Variants in IDE observed in about 807,000 individuals in gnomAD.
IDE encodes the protein insulin degrading enzyme, also known as insulin-degrading enzyme.
Under a neutral mutation model 133.2 loss-of-function variants are expected in IDE, and 58 were observed. The ratio of observed to expected loss-of-function variants is 0.44; its 90% CI spans 0.35 to 0.54. IDE has a LOEUF of 0.54. IDE is among the 20% of genes least tolerant of loss of function. IDE has a pLI of 0.00. For missense variants in IDE, 981 were observed against 1,234.0 expected, an observed-to-expected ratio of 0.79 and a Z score of 3.07; for synonymous variants, 396 against 421.3, an observed-to-expected ratio of 0.94 and a Z score of 0.73.
intron 1 of IDE, among the ~76,000 whole-genome samples, chr10:92,553,485 C>G (rs1342171146): frequency 6.6e-6 from 1 of 151,322 alleles, no homozygotes; most frequent in Non-Finnish European, 1.5e-5. Flanking sequence ...GAGAGAATAC[C>G]TCCAAACTCA....
At chr10:92,547,867 G>A (rs1245330311) in intron 1 of IDE, among the ~76,000 whole-genome samples, 1 of 152,124 alleles carries the variant, frequency 6.6e-6, no homozygotes, top group African/African-American at 2.4e-5. Flanking sequence ...CTGCTCCTGA[G>A]GCACTGGATA....
chr10:92,513,586 A>G (rs540567866), intron 5 of IDE, among the ~76,000 whole-genome samples: 32 of 151,722 alleles, frequency 2.1e-4, no homozygotes, highest in Non-Finnish European at 2.8e-4. Flanking sequence ...GTTTTTGTAA[A>G]CAGCTTTTGT....
chr10:92,566,445 G>A (rs1392998151), intron 1 of IDE, among the ~76,000 whole-genome samples: 1 of 148,648 alleles, frequency 6.7e-6, no homozygotes, highest in Non-Finnish European at 1.5e-5. Context: ...ACACAACATA[G>A]GCAAAGCTCC....
intron 22 of IDE, among the ~76,000 whole-genome samples, chr10:92,458,678 T>C (rs894765587): frequency 2.0e-5 from 3 of 151,896 alleles, no homozygotes; most frequent in African/African-American, 7.3e-5. Context: ...ATTTTTGTAT[T>C]TTTAGTAGAG....
intron 7 of IDE, 126 bp downstream of exon 7, chr10:92,508,602 C>A: frequency 1.4e-6 from 1 of 703,006 alleles, no homozygotes; most frequent in South Asian, 2.3e-5. Context: ...CAACCACCAT[C>A]TCACTCACTA....
At chr10:92,551,620 C>G (rs941081886) in intron 1 of IDE, among the ~76,000 whole-genome samples, 1 of 147,918 alleles carries the variant, frequency 6.8e-6, no homozygotes, top group Admixed American at 6.7e-5. Flanking sequence ...AGGACAAATA[C>G]TACACAACTC....
intron 4 of IDE, among the ~76,000 whole-genome samples, chr10:92,524,750 C>T (rs964266687): frequency 1.3e-4 from 19 of 145,358 alleles, no homozygotes; most frequent in African/African-American, 4.6e-4. Flanking sequence ...TAGCAAAACC[C>T]CGTCTCTACT....
At chr10:92,486,141 G>C (rs929272080) in intron 13 of IDE, among the ~76,000 whole-genome samples, 2 of 152,148 alleles carry the variant, frequency 1.3e-5, no homozygotes, top group African/African-American at 4.8e-5. Context: ...CTGAGGTCAA[G>C]AGTTCGAGGC....
intron 1 of IDE, chr10:92,572,949 C>T: frequency 2.0e-6 from 2 of 985,348 alleles, no homozygotes; most frequent in Non-Finnish European, 2.4e-6. Flanking sequence ...CATCCCAATC[C>T]GCTCCAATCA....
chr10:92,537,107 G>C (rs1407857479), intron 2 of IDE, among the ~76,000 whole-genome samples: 2 of 151,786 alleles, frequency 1.3e-5, no homozygotes, highest in Non-Finnish European at 2.9e-5. Flanking sequence ...AATCATAACT[G>C]TTACTGTAAA....
chr10:92,538,257 G>C (rs1331200570), intron 1 of IDE, among the ~76,000 whole-genome samples: 2 of 152,146 alleles, frequency 1.3e-5, no homozygotes, highest in Admixed American at 1.3e-4. Flanking sequence ...ATTATTACTG[G>C]GTTAGCCCAA....
chr10:92,554,545 T>TA (rs11418454), intron 1 of IDE, among the ~76,000 whole-genome samples: 125,820 of 137,714 alleles, frequency 0.91, 57,566 homozygotes, highest in East Asian at 0.99. Flanking sequence ...AACAGTGTCT[T>TA]AAAAAAAAAA....
intron 1 of IDE, among the ~76,000 whole-genome samples, chr10:92,568,585 G>A (rs556981012): frequency 2.6e-5 from 4 of 152,316 alleles, no homozygotes; most frequent in African/African-American, 9.6e-5. Context: ...GGAGGCTGAG[G>A]TGGGTGGATC....
At chr10:92,490,305 G>A (rs934465570) in intron 12 of IDE, among the ~76,000 whole-genome samples, 188 bp downstream of exon 12, 12 of 152,206 alleles carry the variant, frequency 7.9e-5, no homozygotes, top group Admixed American at 7.9e-4. Flanking sequence ...AAGGTGGCTA[G>A]AGTACCATGT....
chr10:92,492,924 A>C (rs1847449460), intron 11 of IDE, among the ~76,000 whole-genome samples: 1 of 152,140 alleles, frequency 6.6e-6, no homozygotes, highest in Non-Finnish European at 1.5e-5. Flanking sequence ...AGATATCCTA[A>C]AGCAAGATGA....
intron 11 of IDE, among the ~76,000 whole-genome samples, chr10:92,491,609 G>GT (rs1847347161): frequency 2.8e-5 from 4 of 144,438 alleles, no homozygotes; most frequent in Middle Eastern, 3.2e-3. Context: ...GCTAATTTTT[G>GT]TTTTTGTTTT....
At chr10:92,516,050 TC>T (rs1419125116) in intron 4 of IDE, among the ~76,000 whole-genome samples, 6 of 151,206 alleles carry the variant, frequency 4.0e-5, no homozygotes, top group Non-Finnish European at 8.8e-5. Context: ...ATGCCTGTAA[TC>T]CCAGCTACTT....
chr10:92,455,660 G>A lies in IDE; in HGVS notation c.2897-17C>T, dbSNP rs763200714. On this transcript the variant is annotated splice_polypyrimidine_tract_variant and intron_variant, in intron 23 of 24. Coordinates refer to ENST00000265986, the MANE Select transcript of IDE (RefSeq NM_004969.4). Reference sequence around the variant, plus strand: ...CAACAGGACCTATAAGAAAATAAAAGGTTTAATACTTTGTACTTATTGATA... The same window carrying A: ...CAACAGGACCTATAAGAAAATAAAAAGTTTAATACTTTGTACTTATTGATA... 5.5e-6 allele frequency: 8 copies of A among 1,453,036 alleles called. No individual in the cohort carries two copies. Among genetic ancestry groups the A allele is most frequent in the Admixed American group, 1.8e-5 (1 of 56,978 alleles). 90.0% of individuals were successfully genotyped at this position (1,453,036 alleles called of 1,614,324 possible).
chr10:92,505,823 A>G (rs922264391), intron 10 of IDE, among the ~76,000 whole-genome samples: 6 of 152,218 alleles, frequency 3.9e-5, no homozygotes, highest in African/African-American at 1.2e-4. Flanking sequence ...GAGAGCCAGT[A>G]CAGTTGGAGT....
Sources: gnomAD v4.1 joint callset for allele counts (sites outside exome capture counted in the v4.1 genomes callset) on GRCh38, gnomAD v4.1.1 for gene constraint, MANE v1.5 for transcripts, NCBI Gene and HGNC (gene_info 2026-07-23, HGNC 2026-07-21) for gene names.